MAP3K4: variants seen among roughly 807,000 people sequenced by gnomAD.
The protein encoded by MAP3K4 is MAP three kinase 1.
In MAP3K4, 67 loss-of-function variants were observed where a neutral mutation model predicts 185.6. The ratio of observed to expected loss-of-function variants is 0.36; its 90% CI spans 0.30 to 0.44. The LOEUF (loss-of-function observed/expected upper bound fraction) is 0.44, where lower values mean the gene tolerates loss of function less well. MAP3K4 is among the 20% of genes least tolerant of loss of function. The probability of loss-of-function intolerance (pLI) is 1.00; values close to 1 mark genes in which losing one functional copy is unlikely to be tolerated. For missense variants in MAP3K4, 1,551 were observed against 1,995.1 expected (o/e 0.78, Z 4.24); for synonymous variants, 702 against 710.4 (o/e 0.99, Z 0.19).
At chr6:161,031,634 A>G (rs533786694) in intron 1 of MAP3K4, among the ~76,000 whole-genome samples, 1 of 152,162 alleles carries the variant, frequency 6.6e-6, no homozygotes, top group South Asian at 2.1e-4. Context: ...TTCACTCTGC[A>G]TTGCATTAAT....
chr6:161,040,728 C>G (rs965692307), intron 2 of MAP3K4, among the ~76,000 whole-genome samples: 1 of 152,244 alleles, frequency 6.6e-6, no homozygotes, highest in Non-Finnish European at 1.5e-5. Flanking sequence ...TAGCCAAGAA[C>G]AGAGATAGTC....
rs778129864 is a variant in MAP3K4, at chr6:161,098,345, GC to G, written c.3593del (p.Ala1198ValfsTer41). The G allele has an allele frequency of 2.5e-6, 4 of 1,613,032 alleles. No individual in the cohort carries two copies. The African/African-American group carries it at 4.0e-5, about 16-fold the overall frequency. ...TGCTGCTGCTGCTGCTGCTGCTGCT[GC>G]TGCTGTTGCTGCCAGTCGGCCCAGC... The part of the protein sequence containing the change: ...SPAAAAAAAA[A>X]AVAASRPSPS... On this transcript the variant is annotated frameshift_variant, in exon 17 of 27. Transcript: ENST00000392142. LOFTEE classifies it high-confidence loss of function. The surrounding 1 kb of genome is among the most constrained non-coding windows in gnomAD (Gnocchi z 4.4).
At position 161,043,105 on chromosome 6, in the gene MAP3K4, A is replaced by C. The variant is rs1326050944; in HGVS notation, c.344-5511A>C. ...AAAATGGAGCTGGTAAAATGGTTACAAATCAGATTCAATCTATATAGCTAG... is the reference window on the plus strand; with the variant it reads ...AAAATGGAGCTGGTAAAATGGTTACCAATCAGATTCAATCTATATAGCTAG... On this transcript the variant is annotated intron_variant, in intron 2 of 26. Transcript: ENST00000392142. The surrounding 1 kb of genome is among the most constrained non-coding windows in gnomAD (Gnocchi z 4.3). Among the ~76,000 whole-genome samples the C allele has an allele frequency of 3.9e-5, 6 of 152,234 alleles. No individual in the cohort carries two copies. The highest frequency in any genetic ancestry group is 1.4e-4 in the African/African-American group (6 of 41,462).
In MAP3K4 at chr6:161,110,434, A is replaced by G. The variant is rs1018287320; in HGVS notation, c.4396+520A>G. On this transcript the variant is annotated intron_variant, in intron 23 of 26. Coordinates refer to ENST00000392142, the MANE Select transcript of MAP3K4 (RefSeq NM_005922.4). The surrounding 1 kb of genome is among the most constrained non-coding windows in gnomAD (Gnocchi z 4.8). ...CTGATGGATTAAAAGTGCTCTTCTC[A>G]TAGCACGAGGGGAATAGCTGGGCTT... is the stretch of plus-strand genomic sequence containing the variant. Among the ~76,000 whole-genome samples the G allele has an allele frequency of 5.3e-5, 8 of 152,218 alleles. No homozygotes were observed. Among genetic ancestry groups the G allele is most frequent in the African/African-American group, 1.9e-4 (8 of 41,468 alleles).
In MAP3K4 at chr6:161,109,785, G is replaced by A. The variant is rs1778264493; in HGVS notation, c.4267G>A (p.Asp1423Asn). 2 of 1,614,050 alleles carry A rather than the reference G, an allele frequency of 1.2e-6. No individual in the cohort carries two copies. The highest frequency in any genetic ancestry group is 1.3e-5 in the African/African-American group (1 of 74,924). ...EEMYIFMEYC[D>N]EGTLEEVSRL... ...AATGTACATCTTCATGGAGTACTGCGATGAGGGGACTTTAGAAGAGGTGTC... is the reference window on the plus strand; with the variant it reads ...AATGTACATCTTCATGGAGTACTGCAATGAGGGGACTTTAGAAGAGGTGTC... The change falls in exon 23 of 27, where the codon GAT (aspartate) becomes AAT (asparagine). Residue 1423 changes from aspartate to asparagine, a missense_variant. Transcript: ENST00000392142. The surrounding 1 kb of genome is among the most constrained non-coding windows in gnomAD (Gnocchi z 5.7).
At chr6:161,012,771 C>T (rs180898729) in intron 1 of MAP3K4, among the ~76,000 whole-genome samples, 47 of 152,206 alleles carry the variant, frequency 3.1e-4, no homozygotes, top group Non-Finnish European at 5.6e-4. Context: ...AGAGAGATCA[C>T]AGGAATGATT....
intron 5 of MAP3K4, among the ~76,000 whole-genome samples, chr6:161,079,707 G>A (rs1161956813): frequency 3.3e-5 from 5 of 152,160 alleles, no homozygotes; most frequent in Non-Finnish European, 5.9e-5. Flanking sequence ...TCTGAGCCTC[G>A]TGTTGAGGAC....
At position 161,094,118 on chromosome 6, in the gene MAP3K4, A is replaced by G. The variant is rs567178978; in HGVS notation, c.3427+267A>G. Among the ~76,000 whole-genome samples the G allele has an allele frequency of 3.3e-4, 50 of 152,236 alleles. No homozygotes were observed. The South Asian group carries it at 5.8e-3, about 18-fold the overall frequency. On this transcript the variant is annotated intron_variant, in intron 15 of 26. Coordinates refer to ENST00000392142, the MANE Select transcript of MAP3K4 (RefSeq NM_005922.4). ...ACACATTTCTTTCTATACCAACACTACCATTCTTTTTTCCCCCTTACCATC... is the reference window on the plus strand; with the variant it reads ...ACACATTTCTTTCTATACCAACACTGCCATTCTTTTTTCCCCCTTACCATC...
At position 161,043,488 on chromosome 6, in the gene MAP3K4, A is replaced by G. The variant is rs543564513; in HGVS notation, c.344-5128A>G. ...CTTGCAAACACCTTTGACAAGTCCA[A>G]GGATGGTGTGGTGGCACCAACTTGG... On this transcript the variant is annotated intron_variant, in intron 2 of 26. Transcript: ENST00000392142. The surrounding 1 kb of genome is among the most constrained non-coding windows in gnomAD (Gnocchi z 4.3). Among the ~76,000 whole-genome samples the G allele has an allele frequency of 1.1e-4, 16 of 152,320 alleles. No individual in the cohort carries two copies. The highest frequency in any genetic ancestry group is 3.6e-4 in the African/African-American group (15 of 41,568).
rs1784632410 is a variant in MAP3K4, at chr6:161,064,830, C to T, written c.1708-5778C>T. The stretch of plus-strand genomic sequence containing the variant: ...CTTGCAGGTTCTGGAGGGTACACGG[C>T]ACGCCTACAGGCCGCTCATGCAGAG... On this transcript the variant is annotated intron_variant, in intron 3 of 26. Transcript: ENST00000392142. This position sits in a 1 kb window ranked among gnomAD's most constrained non-coding sequence, Gnocchi z 4.3. Among the ~76,000 whole-genome samples the T allele has an allele frequency of 6.6e-6, 1 of 152,148 alleles. No individual in the cohort carries two copies.
At chr6:161,003,081 G>C (rs1430657110) in intron 1 of MAP3K4, among the ~76,000 whole-genome samples, 1 of 152,108 alleles carries the variant, frequency 6.6e-6, no homozygotes, top group Admixed American at 6.5e-5. Flanking sequence ...TACAATTAGT[G>C]ACTTGATACA....
At chr6:160,999,358 T>C (rs1190217678) in intron 1 of MAP3K4, among the ~76,000 whole-genome samples, 2 of 152,212 alleles carry the variant, frequency 1.3e-5, no homozygotes, top group East Asian at 3.8e-4. Flanking sequence ...TAAAGTCTTT[T>C]TATATGGGAA....
intron 19 of MAP3K4, among the ~76,000 whole-genome samples, chr6:161,104,415 CA>C (rs869113836): frequency 0.03 from 1,769 of 58,342 alleles, 14 homozygotes; most frequent in East Asian, 0.065. Context: ...ACTCCGTTTC[CA>C]AAAAAAAAAA....
At position 161,112,823 on chromosome 6, in the gene MAP3K4, G is replaced by T; in HGVS notation, c.4626+49G>T. 2 of 1,263,424 alleles carry T rather than the reference G, an allele frequency of 1.6e-6. No individual in the cohort carries two copies. The highest frequency in any genetic ancestry group is 2.2e-6 in the Non-Finnish European group (2 of 918,686). The allele number at this position is 1,263,424 out of a possible 1,614,324, so 78.3% of individuals were successfully genotyped here. A position where few individuals can be genotyped will look rare whatever the true frequency, so the allele number is the denominator to read the frequency against. ...CGGAGCAACTTCAGAAGGGCACTGT[G>T]CATTAACAGAACAGTAGTTATGGAT... is the stretch of plus-strand genomic sequence containing the variant. On this transcript the variant is annotated intron_variant, in intron 25 of 26. Transcript: ENST00000392142. This position sits in a 1 kb window ranked among gnomAD's most constrained non-coding sequence, Gnocchi z 5.1.
At chr6:161,010,161 T>C (rs1002134764) in intron 1 of MAP3K4, among the ~76,000 whole-genome samples, 1 of 152,246 alleles carries the variant, frequency 6.6e-6, no homozygotes, top group Non-Finnish European at 1.5e-5. Context: ...TTGACTGTAC[T>C]ACTTGAGAGT....
At position 161,110,254 on chromosome 6, in the gene MAP3K4, T is replaced by C. The variant is rs1778287771; in HGVS notation, c.4396+340T>C. Among the ~76,000 whole-genome samples the C allele has an allele frequency of 6.6e-6, 1 of 152,212 alleles. No individual in the cohort carries two copies. The highest frequency in any genetic ancestry group is 2.4e-5 in the African/African-American group (1 of 41,458). ...TTTTTTTCTCTCGTGTCAGGATTCT[T>C]GTCTATTTATATATGAAAATCATGA... On this transcript the variant is annotated intron_variant, in intron 23 of 26. Transcript: ENST00000392142. The surrounding 1 kb of genome is among the most constrained non-coding windows in gnomAD (Gnocchi z 4.8).
chr6:161,024,074 C>G (rs1295108556), intron 1 of MAP3K4, among the ~76,000 whole-genome samples: 2 of 152,228 alleles, frequency 1.3e-5, no homozygotes, highest in African/African-American at 4.8e-5. Context: ...TCAAGCGATT[C>G]TCTTGCTTCA....
chr6:161,041,056 A>G (rs1052917483), intron 2 of MAP3K4, among the ~76,000 whole-genome samples: 11 of 152,244 alleles, frequency 7.2e-5, no homozygotes, highest in African/African-American at 2.7e-4. Context: ...AGCCATGTCC[A>G]GAGTGTGAGT....
rs2114797490 is a variant in MAP3K4 at position 161,063,597 on chromosome 6, C to A, written c.1708-7011C>A. Among the ~76,000 whole-genome samples the A allele has an allele frequency of 6.6e-6, 1 of 152,266 alleles. No individual in the cohort carries two copies. The highest frequency in any genetic ancestry group is 1.9e-4 in the East Asian group (1 of 5,172). On this transcript the variant is annotated intron_variant, in intron 3 of 26. Coordinates refer to ENST00000392142, the MANE Select transcript of MAP3K4 (RefSeq NM_005922.4). This position sits in a 1 kb window ranked among gnomAD's most constrained non-coding sequence, Gnocchi z 5.4. Reference sequence around the variant, plus strand: ...TTCTCGATCTCCTCTTCTCTTTCCTCCTGTTGTCCTTTACTGGGGAGTTGG... The same window carrying A: ...TTCTCGATCTCCTCTTCTCTTTCCTACTGTTGTCCTTTACTGGGGAGTTGG...
Sources: gnomAD v4.1 joint callset for allele counts (sites outside exome capture counted in the v4.1 genomes callset) on GRCh38, gnomAD v4.1.1 for gene constraint, Gnocchi (gnomAD v3.1) non-coding constraint, MANE v1.5 for transcripts, NCBI Gene and HGNC (gene_info 2026-07-23, HGNC 2026-07-21) for gene names.